ADAMTS12: variants seen among roughly 807,000 people sequenced by gnomAD.
ADAMTS12 encodes the protein ADAM metallopeptidase with thrombospondin type 1 motif 12.
ADAMTS12 carries 118 observed loss-of-function variants against 167.8 expected under a neutral mutation model. That is an observed-to-expected ratio of 0.70 (90% CI 0.61 to 0.82). The LOEUF (loss-of-function observed/expected upper bound fraction) is 0.82, where lower values mean the gene tolerates loss of function less well. Among genes scored for constraint, ADAMTS12 ranks in the 40% least tolerant of loss-of-function variants. The pLI is 0.00. For synonymous variants in ADAMTS12, 704 were observed against 716.9 expected, an observed-to-expected ratio of 0.98 and a Z score of 0.29; for missense variants, 1,916 against 1,998.8, an observed-to-expected ratio of 0.96 and a Z score of 0.79.
At chr5:33,765,800 T>C (rs1745511047) in intron 2 of ADAMTS12, among the ~76,000 whole-genome samples, 1 of 152,224 alleles carries the variant, frequency 6.6e-6, no homozygotes, top group South Asian at 2.1e-4. Flanking sequence ...AAAAAGTTAT[T>C]TAAAAATTTG....
At chr5:33,716,724 G>T (rs963044444) in intron 3 of ADAMTS12, among the ~76,000 whole-genome samples, 5 of 151,998 alleles carry the variant, frequency 3.3e-5, no homozygotes, top group Admixed American at 6.6e-5. Context: ...AATACATTTT[G>T]AAAAAACTTG....
intron 5 of ADAMTS12, among the ~76,000 whole-genome samples, chr5:33,668,080 G>A (rs149583289): frequency 6.6e-6 from 1 of 152,132 alleles, no homozygotes; most frequent in Non-Finnish European, 1.5e-5. Flanking sequence ...ACTGGGTTAC[G>A]TCCTGATAAA....
intron 2 of ADAMTS12, among the ~76,000 whole-genome samples, chr5:33,872,238 C>T (rs12656358): frequency 0.22 from 33,822 of 152,078 alleles, 4,301 homozygotes; most frequent in Middle Eastern, 0.3. Flanking sequence ...ACACCGAAAC[C>T]AAAGTCATTA....
intron 2 of ADAMTS12, among the ~76,000 whole-genome samples, chr5:33,788,822 C>T (rs1044941829): frequency 6.6e-6 from 1 of 152,202 alleles, no homozygotes; most frequent in Non-Finnish European, 1.5e-5. Flanking sequence ...CACCTTTGTT[C>T]TTCCCATAAC....
intron 2 of ADAMTS12, among the ~76,000 whole-genome samples, chr5:33,786,497 G>A (rs960684705): frequency 3.3e-5 from 5 of 151,018 alleles, no homozygotes; most frequent in Admixed American, 6.6e-5. Context: ...TTCCTCCTCC[G>A]TGGAATAAAT....
Position 33,812,483 on chromosome 5 carries a change from A to G in ADAMTS12, c.490-60935T>C, listed in dbSNP as rs548260962. ...TACTCACCTCAAGATCAAAAAGAGA[A>G]TATTCTGTCCAACAGAGAAGCTTCC... On this transcript the variant is annotated intron_variant, in intron 2 of 23. Transcript: ENST00000504830. 5.9e-5 allele frequency among the ~76,000 whole-genome samples: 9 copies of G among 152,352 alleles called. No homozygotes were observed. The South Asian group carries it at 1.0e-3, about 18-fold the overall frequency.
At chr5:33,638,190 G>A (rs1740283699) in intron 11 of ADAMTS12, among the ~76,000 whole-genome samples, 1 of 142,586 alleles carries the variant, frequency 7.0e-6, no homozygotes, top group African/African-American at 2.5e-5. Context: ...AATCAAACCA[G>A]TCCAATTCTT....
intron 22 of ADAMTS12, among the ~76,000 whole-genome samples, chr5:33,544,251 C>T (rs1020080994): frequency 6.6e-6 from 1 of 152,164 alleles, no homozygotes; most frequent in African/African-American, 2.4e-5. Flanking sequence ...TGAGTGAACT[C>T]CCATTCACAA....
chr5:33,529,246 T>C (rs971975090), intron 23 of ADAMTS12, among the ~76,000 whole-genome samples: 2 of 152,158 alleles, frequency 1.3e-5, no homozygotes, highest in Non-Finnish European at 1.5e-5. Flanking sequence ...GGAAAGTGTG[T>C]CCTTTAATTT....
At chr5:33,604,819 A>G (rs1253797542) in intron 16 of ADAMTS12, among the ~76,000 whole-genome samples, 1 of 152,212 alleles carries the variant, frequency 6.6e-6, no homozygotes, top group Non-Finnish European at 1.5e-5. Flanking sequence ...GGGAGAAAAG[A>G]GGCAGGAGAG....
intron 2 of ADAMTS12, among the ~76,000 whole-genome samples, chr5:33,798,348 G>A (rs1210086768): frequency 6.7e-6 from 1 of 150,140 alleles, no homozygotes; most frequent in Non-Finnish European, 1.5e-5. Flanking sequence ...TTTCTCCCAA[G>A]AACCCTCTCC....
intron 5 of ADAMTS12, among the ~76,000 whole-genome samples, chr5:33,663,009 T>A (rs916336811): frequency 6.6e-6 from 1 of 152,172 alleles, no homozygotes; most frequent in African/African-American, 2.4e-5. Flanking sequence ...CCATTCTGTA[T>A]TTTGCTGAGG....
At chr5:33,634,384 C>A (rs769020608) in intron 12 of ADAMTS12, among the ~76,000 whole-genome samples, 1 of 152,122 alleles carries the variant, frequency 6.6e-6, no homozygotes, top group African/African-American at 2.4e-5. Flanking sequence ...AAGGCCAAAA[C>A]GGGAAGGCGG....
intron 3 of ADAMTS12, among the ~76,000 whole-genome samples, chr5:33,700,245 T>C (rs1037735074): frequency 6.6e-6 from 1 of 152,214 alleles, no homozygotes; most frequent in African/African-American, 2.4e-5. Context: ...CATAAAAATC[T>C]GTAGCAGCTT....
intron 7 of ADAMTS12, among the ~76,000 whole-genome samples, chr5:33,653,549 C>T (rs1740940676): frequency 6.6e-6 from 1 of 152,002 alleles, no homozygotes; most frequent in Admixed American, 6.6e-5. Flanking sequence ...AGAAAGTTTT[C>T]CCTTCTCATG....
intron 2 of ADAMTS12, among the ~76,000 whole-genome samples, chr5:33,853,648 C>G (rs16891840): frequency 0.046 from 7,006 of 152,268 alleles, 280 homozygotes; most frequent in East Asian, 0.17. Flanking sequence ...TTGATTAGAG[C>G]AGCATCATTC....
intron 16 of ADAMTS12, among the ~76,000 whole-genome samples, chr5:33,598,983 G>T (rs1395286181): frequency 6.6e-6 from 1 of 152,184 alleles, no homozygotes; most frequent in Non-Finnish European, 1.5e-5. Context: ...GAAACTCAGC[G>T]CCCTTGGAAA....
intron 2 of ADAMTS12, among the ~76,000 whole-genome samples, chr5:33,762,195 CA>C (rs564710661): frequency 5.6e-4 from 79 of 142,264 alleles, no homozygotes; most frequent in African/African-American, 2.1e-3. Flanking sequence ...GATGCCGTCT[CA>C]AAAAAATAAT....
At chr5:33,759,292 G>A (rs935108975) in intron 2 of ADAMTS12, among the ~76,000 whole-genome samples, 1 of 152,190 alleles carries the variant, frequency 6.6e-6, no homozygotes, top group African/African-American at 2.4e-5. Flanking sequence ...GCCAGGTCCT[G>A]GCCTCCTGTA....
Sources: gnomAD v4.1 joint callset for allele counts (sites outside exome capture counted in the v4.1 genomes callset) on GRCh38, gnomAD v4.1.1 for gene constraint, MANE v1.5 for transcripts, NCBI Gene and HGNC (gene_info 2026-07-23, HGNC 2026-07-21) for gene names.